Variants in ITPR1 observed in about 807,000 individuals in gnomAD.
ITPR1 encodes inositol 1,4,5-trisphosphate-gated calcium channel ITPR1.
ITPR1 carries 96 observed loss-of-function variants against 318.4 expected under a neutral mutation model. The observed-to-expected ratio is 0.30, with a 90% CI of 0.26 to 0.36. The LOEUF (loss-of-function observed/expected upper bound fraction) is 0.36. Ranked by LOEUF, ITPR1 falls within the 10% of genes least tolerant of loss-of-function variation. The pLI is 1.00. For missense variants in ITPR1, 2,440 were observed against 3,460.2 expected, an observed-to-expected ratio of 0.71 and a Z score of 7.40; for synonymous variants, 1,312 against 1,289.9, an observed-to-expected ratio of 1.02 and a Z score of -0.37.
intron 36 of ITPR1, among the ~76,000 whole-genome samples, chr3:4,703,449 A>G (rs2094696900): frequency 1.3e-5 from 2 of 152,134 alleles, no homozygotes; most frequent in South Asian, 4.1e-4. Flanking sequence ...CGCCTCTCAT[A>G]GGCAGCCTTT....
At chr3:4,562,605 A>G (rs2086792303) in intron 4 of ITPR1, among the ~76,000 whole-genome samples, 1 of 152,012 alleles carries the variant, frequency 6.6e-6, no homozygotes, top group Admixed American at 6.6e-5. Flanking sequence ...AGATTTGCCA[A>G]CCCTGTATGT....
chr3:4,495,802 G>A (rs778733804), intron 2 of ITPR1, among the ~76,000 whole-genome samples: 1 of 152,176 alleles, frequency 6.6e-6, no homozygotes, highest in Non-Finnish European at 1.5e-5. Flanking sequence ...AGGCGGTGAG[G>A]CTGTACTGCA....
At chr3:4,742,143 C>T (rs2043750733) in intron 44 of ITPR1, among the ~76,000 whole-genome samples, 1 of 152,110 alleles carries the variant, frequency 6.6e-6, no homozygotes, top group Non-Finnish European at 1.5e-5. Context: ...TCAGGGAGGA[C>T]CCCCTGGAAG....
intron 55 of ITPR1, among the ~76,000 whole-genome samples, chr3:4,807,147 A>ACAAAGAGAGGGGGG (rs2048625006): frequency 1.9e-4 from 1 of 5,178 alleles, no homozygotes; most frequent in African/African-American, 3.0e-4. Context: ...GAGAGGGGGG[A>ACAAAGAGAGGGGGG]CTTACAAAGA....
At chr3:4,837,039 A>G in intron 61 of ITPR1, 104 bp downstream of exon 61, 3 of 1,069,190 alleles carry the variant, frequency 2.8e-6, no homozygotes, top group Non-Finnish European at 3.8e-6. Flanking sequence ...TGCTTCATCT[A>G]GATGGAAAAG....
At chr3:4,503,831 G>A (rs959999071) in intron 2 of ITPR1, among the ~76,000 whole-genome samples, 6 of 152,084 alleles carry the variant, frequency 3.9e-5, no homozygotes, top group Admixed American at 6.6e-5. Context: ...TTCATTTGCT[G>A]GTTTTTTGAG....
intron 60 of ITPR1, among the ~76,000 whole-genome samples, chr3:4,827,259 T>A (rs573707688): frequency 6.6e-6 from 1 of 152,302 alleles, no homozygotes; most frequent in South Asian, 2.1e-4. Context: ...ACTACATTTG[T>A]AACTCCCCTG....
intron 59 of ITPR1, chr3:4,817,307 G>T (rs1330988554): frequency 6.6e-6 from 1 of 152,172 alleles, no homozygotes; most frequent in Non-Finnish European, 1.5e-5. Flanking sequence ...TGCTCTCAGG[G>T]CTTATTAGGG....
Position 4,516,460 on chromosome 3 carries a change from A to T in ITPR1, c.-16-16A>T. ...TTCTTTTCTTCTAACAATGCTGCAT[A>T]TTTTACTTTGTCTAGGATTTTCAAG... On this transcript the variant is annotated splice_polypyrimidine_tract_variant and intron_variant, in intron 2 of 61. Coordinates refer to ENST00000649015, the MANE Select transcript of ITPR1 (RefSeq NM_001378452.1). 1 of 1,297,500 alleles carries T rather than the reference A, an allele frequency of 7.7e-7. No individual in the cohort carries two copies. Among genetic ancestry groups the T allele is most frequent in the Non-Finnish European group, 1.1e-6 (1 of 928,778 alleles). The allele number at this position is 1,297,500 out of a possible 1,614,324, so 80.4% of individuals were successfully genotyped here.
At chr3:4,657,133 A>G (rs964980523) in intron 12 of ITPR1, among the ~76,000 whole-genome samples, 3 of 152,208 alleles carry the variant, frequency 2.0e-5, no homozygotes, top group Non-Finnish European at 4.4e-5. Context: ...AGCCCTCTCA[A>G]TTAATGCTGG....
chr3:4,670,808 G>C lies in ITPR1; in HGVS notation c.2086G>C (p.Glu696Gln), dbSNP rs1275895209. 6.2e-7 allele frequency: 1 copy of C among 1,610,316 alleles called. No individual in the cohort carries two copies. Among genetic ancestry groups the C allele is most frequent in the Non-Finnish European group, 8.5e-7 (1 of 1,178,222 alleles). ...NALEAGEDEE[E>Q]VWLFWRDSNK... The stretch of plus-strand genomic sequence containing the variant: ...TCTGGAGGCAGGAGAAGACGAGGAA[G>C]AGGTGTGGCTGTTTTGGAGGGACAG... The change falls in exon 20 of 62, where the codon GAG (glutamate) becomes CAG (glutamine). Residue 696 changes from glutamate (E) to glutamine (Q), a missense_variant. Glu to Gln is a conservative substitution (Grantham distance 29). Transcript: ENST00000649015.
At chr3:4,679,742 G>A (rs917456546) in intron 24 of ITPR1, among the ~76,000 whole-genome samples, 6 of 152,132 alleles carry the variant, frequency 3.9e-5, no homozygotes, top group African/African-American at 1.4e-4. Context: ...ATTAACCATC[G>A]CAGTTACTTT....
chr3:4,688,680 G>C lies in ITPR1; in HGVS notation c.3828+60G>C, dbSNP rs974041959. On this transcript the variant is annotated intron_variant, in intron 31 of 61. Transcript: ENST00000649015. ...GGAGGAGGGCAGGGAAGAGGGAGGA[G>C]GAACAGCTTGTTCTTTGGCTGTTGT... 1.1e-5 allele frequency: 17 copies of C among 1,541,092 alleles called. No individual in the cohort carries two copies. The Admixed American group carries it at 1.2e-4, about 11-fold the overall frequency.
intron 10 of ITPR1, among the ~76,000 whole-genome samples, chr3:4,648,636 C>A (rs184616693): frequency 6.6e-6 from 1 of 152,068 alleles, no homozygotes; most frequent in Non-Finnish European, 1.5e-5. Flanking sequence ...ATGGTGAAAC[C>A]CTGTCTCTAC....
intron 49 of ITPR1, among the ~76,000 whole-genome samples, chr3:4,781,362 G>C (rs1215026986): frequency 2.0e-5 from 3 of 152,212 alleles, no homozygotes; most frequent in African/African-American, 7.2e-5. Context: ...ATTCAATCAT[G>C]AATGATGTGT....
At chr3:4,505,404 G>C (rs182656600) in intron 2 of ITPR1, among the ~76,000 whole-genome samples, 1 of 152,202 alleles carries the variant, frequency 6.6e-6, no homozygotes, top group East Asian at 1.9e-4. Flanking sequence ...TGTTGGCCAG[G>C]ATGGTCTCAA....
chr3:4,838,846 C>T (rs1347273926), intron 61 of ITPR1, among the ~76,000 whole-genome samples: 1 of 152,164 alleles, frequency 6.6e-6, no homozygotes, highest in Non-Finnish European at 1.5e-5. Context: ...CTGAAACAAA[C>T]TATTAATGGG....
intron 60 of ITPR1, among the ~76,000 whole-genome samples, chr3:4,827,352 G>A (rs1166799058): frequency 6.6e-6 from 1 of 152,220 alleles, no homozygotes; most frequent in Non-Finnish European, 1.5e-5. Context: ...ACTGAGAAGT[G>A]TGTCACCATA....
intron 2 of ITPR1, among the ~76,000 whole-genome samples, chr3:4,497,747 A>G (rs1461816311): frequency 6.6e-6 from 1 of 152,260 alleles, no homozygotes; most frequent in Non-Finnish European, 1.5e-5. Context: ...ACGTGAGCAG[A>G]TATTTGTACA....
Sources: gnomAD v4.1 joint callset for allele counts (sites outside exome capture counted in the v4.1 genomes callset) on GRCh38, gnomAD v4.1.1 for gene constraint, MANE v1.5 for transcripts, NCBI Gene and HGNC (gene_info 2026-07-23, HGNC 2026-07-21) for gene names.